CACNA1C: variants seen among roughly 807,000 people sequenced by gnomAD.
CACNA1C encodes voltage-dependent L-type calcium channel subunit alpha-1C.
Under a neutral mutation model 229.0 loss-of-function variants are expected in CACNA1C, and 30 were observed. The observed-to-expected ratio is 0.13, with a 90% confidence interval of 0.10 to 0.18. The LOEUF is 0.18. CACNA1C is among the 10% of genes least tolerant of loss of function. The pLI, the probability that CACNA1C is intolerant of heterozygous loss-of-function variation, is 1.00. For synonymous variants in CACNA1C, 1,114 were observed against 1,132.5 expected (o/e 0.98, Z 0.33); for missense variants, 1,658 against 2,845.0 (o/e 0.58, Z 9.49).
chr12:2,262,830 G>T (rs573218371), intron 3 of CACNA1C, among the ~76,000 whole-genome samples: 39 of 152,304 alleles, frequency 2.6e-4, no homozygotes, highest in African/African-American at 9.4e-4. Context: ...GCCCACAGTG[G>T]GCAGAAGCTA....
intron 11 of CACNA1C, among the ~76,000 whole-genome samples, chr12:2,558,618 A>C (rs946487125): frequency 1.3e-5 from 2 of 152,158 alleles, no homozygotes; most frequent in African/African-American, 2.4e-5. Flanking sequence ...CCAAGGGCTG[A>C]CCTTCTCCCA....
At position 2,597,800 on chromosome 12, in the gene CACNA1C, G is replaced by A. The variant is rs1362881629; in HGVS notation, c.2853+511G>A. Among the ~76,000 whole-genome samples, 2 of 152,322 alleles carry A rather than the reference G, an allele frequency of 1.3e-5. No homozygotes were observed. The highest frequency in any genetic ancestry group is 2.1e-4 in the South Asian group (1 of 4,818). ...CATTTCACTGGTTGGGGCTGCAGCC[G>A]TCAGCAGCGCCAGACATACATGCCC... On this transcript the variant is annotated intron_variant, in intron 21 of 46. Transcript: ENST00000399655. The surrounding 1 kb of genome is among the most constrained non-coding windows in gnomAD (Gnocchi z 4.3).
At position 1,971,073 on chromosome 12, in the gene CACNA1C, C is replaced by A. The variant is rs2032055232; in HGVS notation, c.11C>A (p.Ala4Asp). 1.1e-5 allele frequency: 14 copies of A among 1,288,488 alleles called. No individual in the cohort carries two copies. Among genetic ancestry groups the A allele is most frequent in the Non-Finnish European group, 1.4e-5 (14 of 988,154 alleles). 79.8% of individuals were successfully genotyped at this position (1,288,488 alleles called of 1,614,324 possible). The change falls in exon 1 of 47, where the codon GCC becomes GAC. Residue 4 changes from alanine (A) to aspartate (D), a missense_variant. By Grantham distance (126) the Ala-to-Asp change is moderately radical. Coordinates refer to the CACNA1C transcript ENST00000682462. The surrounding 1 kb of genome is among the most constrained non-coding windows in gnomAD (Gnocchi z 4.2). ...ATCTGGAAATTCACAATGCTTCGAG[C>A]CTTTGTTCAGCCTGGTACGCCTGCA...
chr12:2,405,424 C>T (rs1163267935), intron 3 of CACNA1C, among the ~76,000 whole-genome samples: 2 of 152,236 alleles, frequency 1.3e-5, no homozygotes, highest in Admixed American at 6.5e-5. Context: ...CCTTCCTCCT[C>T]ATCATCCCTA....
In CACNA1C at chr12:2,651,792, G is replaced by A; in HGVS notation, c.4074+24G>A. On this transcript the variant is annotated intron_variant, in intron 32 of 46. Transcript: ENST00000399655. The surrounding 1 kb of genome is among the most constrained non-coding windows in gnomAD (Gnocchi z 5.4). ...AGGTAGCCGCCCCTCATGTCCTGCG[G>A]CCCGGGGAATCGCAGGGCTGCCGCG... 1.3e-6 allele frequency: 2 copies of A among 1,556,122 alleles called. No homozygotes were observed. The highest frequency in any genetic ancestry group is 1.7e-6 in the Non-Finnish European group (2 of 1,154,826).
intron 3 of CACNA1C, among the ~76,000 whole-genome samples, chr12:2,291,564 T>C (rs2093510016): frequency 6.6e-6 from 1 of 152,214 alleles, no homozygotes; most frequent in Non-Finnish European, 1.5e-5. Flanking sequence ...CGGTCTTGTG[T>C]TTAGCGTAAA....
chr12:2,358,282 TG>T lies in CACNA1C; in HGVS notation c.478-90693del, dbSNP rs2097445676. 3.9e-4 allele frequency among the ~76,000 whole-genome samples: 54 copies of T among 136,838 alleles called. 1 individual carries two copies. The highest frequency in any genetic ancestry group is 1.4e-3 in the African/African-American group (51 of 35,718). 89.8% of individuals were successfully genotyped at this position (136,838 alleles called of 152,430 possible). On this transcript the variant is annotated intron_variant, in intron 3 of 46. Transcript: ENST00000399655. The stretch of plus-strand genomic sequence containing the variant: ...GTGTGTGTGTGTGTGTGTGTGTGTG[TG>T]TGTGTGTGTGTGTGTGTGTGTGTGT...
At chr12:2,336,851 T>A (rs2096711476) in intron 3 of CACNA1C, among the ~76,000 whole-genome samples, 1 of 151,544 alleles carries the variant, frequency 6.6e-6, no homozygotes, top group South Asian at 2.1e-4. Flanking sequence ...AAGGAGCGAG[T>A]GGAGTGCCAT....
intron 34 of CACNA1C, among the ~76,000 whole-genome samples, chr12:2,662,618 C>T (rs1342279122): frequency 6.6e-6 from 1 of 152,180 alleles, no homozygotes; most frequent in Non-Finnish European, 1.5e-5. Context: ...GGATTATTCA[C>T]AGAGGCTGAA....
At chr12:2,213,143 C>T (rs368730464) in intron 3 of CACNA1C, among the ~76,000 whole-genome samples, 9 of 152,134 alleles carry the variant, frequency 5.9e-5, no homozygotes, top group African/African-American at 9.7e-5. Context: ...CAGGAGCCAG[C>T]GCCTGCCATT....
intron 3 of CACNA1C, among the ~76,000 whole-genome samples, chr12:2,142,562 C>T (rs906134534): frequency 1.3e-5 from 2 of 151,390 alleles, no homozygotes; most frequent in African/African-American, 2.4e-5. Flanking sequence ...GCCTCAGGCA[C>T]GTCCTTCAGG....
chr12:2,444,488 G>C (rs2099258961), intron 3 of CACNA1C, among the ~76,000 whole-genome samples: 1 of 152,010 alleles, frequency 6.6e-6, no homozygotes, highest in Admixed American at 6.6e-5. Context: ...CTGATTTGGA[G>C]CCCAGCCTCT....
At chr12:2,122,860 G>A (rs1466669438) in intron 3 of CACNA1C, among the ~76,000 whole-genome samples, 2 of 152,162 alleles carry the variant, frequency 1.3e-5, no homozygotes, top group Non-Finnish European at 2.9e-5. Flanking sequence ...GCTGAGGCCT[G>A]CACATCATTA....
chr12:2,121,325 G>A (rs1182420196), intron 3 of CACNA1C, among the ~76,000 whole-genome samples: 1 of 152,212 alleles, frequency 6.6e-6, no homozygotes, highest in Non-Finnish European at 1.5e-5. Flanking sequence ...TTTAAAAGAA[G>A]CAGGCAGCTT....
chr12:2,167,982 A>G (rs1302573204), intron 3 of CACNA1C, among the ~76,000 whole-genome samples: 2 of 152,200 alleles, frequency 1.3e-5, no homozygotes, highest in Non-Finnish European at 2.9e-5. Flanking sequence ...GATAGGTCCA[A>G]TATACACTAC....
chr12:2,014,212 G>A (rs10774014), intron 1 of CACNA1C, among the ~76,000 whole-genome samples: 50,908 of 151,648 alleles, frequency 0.34, 8,840 homozygotes, highest in East Asian at 0.51. Flanking sequence ...GGTTTTGTTC[G>A]CTTTTATTAA....
rs939734665 is a variant in CACNA1C, at chr12:2,474,688, G to A, written c.758-11416G>A. ...AGAGAATCACTTGAACCTGGGAGGC[G>A]CAGGTTGCAGTGAGCTGAGATCACG... On this transcript the variant is annotated intron_variant, in intron 5 of 46. Transcript: ENST00000399655. Among the ~76,000 whole-genome samples, 70 of 150,352 alleles carry A rather than the reference G, an allele frequency of 4.7e-4. 1 individual carries two copies. The highest frequency in any genetic ancestry group is 1.1e-3 in the Admixed American group (17 of 14,964).
chr12:2,423,880 C>T (rs1274909160), intron 3 of CACNA1C, among the ~76,000 whole-genome samples: 4 of 152,108 alleles, frequency 2.6e-5, no homozygotes, highest in Non-Finnish European at 5.9e-5. Context: ...CCTCAACCTC[C>T]GATAATCTGG....
intron 3 of CACNA1C, chr12:2,217,487 T>C (rs1254572741): frequency 6.6e-6 from 1 of 152,252 alleles, no homozygotes; most frequent in Non-Finnish European, 1.5e-5. Flanking sequence ...TATTTTAATA[T>C]TTGAGAAAAA....
Sources: allele counts gnomAD v4.1 joint callset (sites outside exome capture counted in the v4.1 genomes callset), GRCh38; gene constraint gnomAD v4.1.1; non-coding constraint Gnocchi (gnomAD v3.1); transcripts MANE v1.5; gene names NCBI Gene and HGNC (gene_info 2026-07-23, HGNC 2026-07-21).